The following FRAS1 variants were observed in gnomAD, a reference collection of about 807,000 sequenced individuals.
The protein encoded by FRAS1 is extracellular matrix organizing protein FRAS1.
A neutral mutation model predicts 435.2 loss-of-function variants in FRAS1; 290 were observed. That is an observed-to-expected ratio of 0.67 (90% CI 0.61 to 0.73). The LOEUF (loss-of-function observed/expected upper bound fraction) is 0.73, where lower values mean the gene tolerates loss of function less well. FRAS1 is among the 30% of genes least tolerant of loss of function. The pLI is 0.00. For missense variants in FRAS1, 4,860 were observed against 5,001.5 expected (o/e 0.97, Z 0.85); for synonymous variants, 1,800 against 1,851.0 (o/e 0.97, Z 0.71).
intron 3 of FRAS1, among the ~76,000 whole-genome samples, chr4:78,242,066 T>G (rs72862196): frequency 0.02 from 3,109 of 152,202 alleles, 68 homozygotes; most frequent in African/African-American, 0.055. Context: ...CATAAGAAAC[T>G]TTTTCAACTC....
At chr4:78,528,493 T>G (rs1292171239) in intron 70 of FRAS1, among the ~76,000 whole-genome samples, 1 of 152,102 alleles carries the variant, frequency 6.6e-6, no homozygotes, top group African/African-American at 2.4e-5. Flanking sequence ...TTTTTTAGAG[T>G]GTTTTATAAA....
chr4:78,365,898 G>A lies in FRAS1; in HGVS notation c.2722+1844G>A, dbSNP rs553921381. On this transcript the variant is annotated intron_variant, in intron 22 of 73. Coordinates refer to ENST00000512123, the MANE Select transcript of FRAS1 (RefSeq NM_025074.7). ...GTGAATCGCTTGAACCTGGGAGGCG[G>A]AGGCTGCAGTGAGCTGAGATCACGC... Among the ~76,000 whole-genome samples the A allele has an allele frequency of 2.0e-5, 3 of 151,760 alleles. No homozygotes were observed. In the East Asian group the frequency reaches 5.8e-4, roughly 29 times the overall value.
chr4:78,382,727 A>G (rs570375127), intron 27 of FRAS1, among the ~76,000 whole-genome samples: 3 of 152,242 alleles, frequency 2.0e-5, no homozygotes, highest in Non-Finnish European at 4.4e-5. Flanking sequence ...TAATAACTGT[A>G]TACAGTTTCG....
chr4:78,219,162 G>T lies in FRAS1; in HGVS notation c.109-18348G>T, dbSNP rs181704421. Among the ~76,000 whole-genome samples, 24 of 152,156 alleles carry T rather than the reference G, an allele frequency of 1.6e-4. No individual in the cohort carries two copies. In the East Asian group the frequency reaches 4.6e-3, roughly 29 times the overall value. ...GCTATTTAATGTTCTTATTAGGGAAGATCTATTAATATATCAGTGAATTGC... is the reference window on the plus strand; with the variant it reads ...GCTATTTAATGTTCTTATTAGGGAATATCTATTAATATATCAGTGAATTGC... On this transcript the variant is annotated intron_variant, in intron 2 of 73. Coordinates refer to ENST00000512123, the MANE Select transcript of FRAS1 (RefSeq NM_025074.7).
intron 2 of FRAS1, among the ~76,000 whole-genome samples, chr4:78,215,257 G>C (rs1578189255): frequency 6.6e-6 from 1 of 152,086 alleles, no homozygotes; most frequent in Non-Finnish European, 1.5e-5. Flanking sequence ...GTGCAATGGT[G>C]TGATCTCTGC....
At chr4:78,437,772 C>G (rs1734487664) in intron 38 of FRAS1, among the ~76,000 whole-genome samples, 1 of 152,096 alleles carries the variant, frequency 6.6e-6, no homozygotes, top group Admixed American at 6.5e-5. Context: ...AATCAACAGC[C>G]CTAAAAAATG....
At chr4:78,324,127 C>T (rs1034358579) in intron 18 of FRAS1, among the ~76,000 whole-genome samples, 3 of 152,056 alleles carry the variant, frequency 2.0e-5, no homozygotes, top group East Asian at 3.9e-4. Context: ...AAAACATCCT[C>T]GTTTTTGTTT....
At chr4:78,494,414 G>T (rs769595720) in intron 59 of FRAS1, among the ~76,000 whole-genome samples, 2 of 152,146 alleles carry the variant, frequency 1.3e-5, no homozygotes, top group African/African-American at 2.4e-5. Flanking sequence ...TCTGGTGAGG[G>T]CTTCAGGAAG....
chr4:78,228,045 G>A (rs1055232883), intron 2 of FRAS1, among the ~76,000 whole-genome samples: 8 of 152,066 alleles, frequency 5.3e-5, no homozygotes, highest in Non-Finnish European at 1.2e-4. Flanking sequence ...AGAGAGAAAA[G>A]TCAAAAACTA....
At chr4:78,423,447 C>T (rs973712490) in intron 34 of FRAS1, among the ~76,000 whole-genome samples, 3 of 91,436 alleles carry the variant, frequency 3.3e-5, no homozygotes, top group African/African-American at 1.4e-4. Context: ...GCCACTGCTC[C>T]CAGCCACTAG....
chr4:78,356,211 A>C (rs1156972915), intron 20 of FRAS1, among the ~76,000 whole-genome samples: 1 of 152,166 alleles, frequency 6.6e-6, no homozygotes, highest in African/African-American at 2.4e-5. Context: ...AAATTGTCAC[A>C]CATGCAGCCG....
intron 2 of FRAS1, among the ~76,000 whole-genome samples, chr4:78,151,226 A>T (rs1304602942): frequency 1.3e-5 from 2 of 152,180 alleles, no homozygotes; most frequent in Non-Finnish European, 2.9e-5. Context: ...GCTGGAGCCA[A>T]CTTTCATGGA....
chr4:78,437,787 A>T (rs969793527), intron 38 of FRAS1, among the ~76,000 whole-genome samples: 2 of 152,216 alleles, frequency 1.3e-5, no homozygotes, highest in Non-Finnish European at 2.9e-5. Context: ...AAAATGAATG[A>T]CTCAGGGAAA....
At chr4:78,366,388 G>T (rs1433019960) in intron 22 of FRAS1, among the ~76,000 whole-genome samples, 1 of 152,174 alleles carries the variant, frequency 6.6e-6, no homozygotes, top group Non-Finnish European at 1.5e-5. Flanking sequence ...CCACTGCTGG[G>T]GAGCTAGAGT....
chr4:78,086,917 A>T (rs1049832743), intron 2 of FRAS1, among the ~76,000 whole-genome samples: 1 of 152,192 alleles, frequency 6.6e-6, no homozygotes, highest in Non-Finnish European at 1.5e-5. Context: ...TCCCTAACTC[A>T]TTTTATGAGG....
At chr4:78,527,696 G>T (rs1331473215) in intron 70 of FRAS1, among the ~76,000 whole-genome samples, 1 of 152,196 alleles carries the variant, frequency 6.6e-6, no homozygotes, top group Non-Finnish European at 1.5e-5. Flanking sequence ...TTGAGAGAGA[G>T]GCGAGAAAGT....
At chr4:78,192,969 T>G (rs951168372) in intron 2 of FRAS1, among the ~76,000 whole-genome samples, 5 of 152,268 alleles carry the variant, frequency 3.3e-5, no homozygotes, top group African/African-American at 4.8e-5. Flanking sequence ...TCTGGTATGT[T>G]GTGTCTTTGT....
At position 78,315,599 on chromosome 4, in the gene FRAS1, G is replaced by T. The variant is rs1729209100; in HGVS notation, c.1684G>T (p.Asp562Tyr). 1 of 1,609,936 alleles carries T rather than the reference G, an allele frequency of 6.2e-7. No homozygotes were observed. Among genetic ancestry groups the T allele is most frequent in the African/African-American group, 1.3e-5 (1 of 74,812 alleles). The change falls in exon 16 of 74, where the codon GAC (aspartate) becomes TAC (tyrosine). Residue 562 changes from aspartate (D) to tyrosine (Y), a missense_variant. Transcript: ENST00000512123. ...GGTTTTTTGCCTCCCCTTAGCTTGT[G>T]ACCAATCCTGTGACAGTTGTGGCCC... is the stretch of plus-strand genomic sequence containing the variant. ...YNRQGTCSAC[D>Y]QSCDSCGPSS...
chr4:78,375,987 C>G, intron 26 of FRAS1, 108 bp downstream of exon 26: 1 of 1,311,522 alleles, frequency 7.6e-7, no homozygotes, highest in Non-Finnish European at 1.1e-6. Context: ...GCAGCATTCC[C>G]AATTTGGGAA....
Sources: gnomAD v4.1 joint callset for allele counts (sites outside exome capture counted in the v4.1 genomes callset) on GRCh38, gnomAD v4.1.1 for gene constraint, MANE v1.5 for transcripts, NCBI Gene and HGNC (gene_info 2026-07-23, HGNC 2026-07-21) for gene names.